Variants in TG observed in about 807,000 individuals in gnomAD.
TG encodes thyroglobulin.
In TG, 270 loss-of-function variants were observed where a neutral mutation model predicts 324.7. That is an observed-to-expected ratio of 0.83 (90% CI 0.75 to 0.92). TG has a LOEUF of 0.92. Among genes scored for constraint, TG ranks in the 40% least tolerant of loss-of-function variants. The pLI, the probability that TG is intolerant of heterozygous loss-of-function variation, is 0.00. For missense variants in TG, 3,591 were observed against 3,456.4 expected (o/e 1.04, Z -0.98); for synonymous variants, 1,401 against 1,327.0 (o/e 1.06, Z -1.21).
At chr8:133,039,919 G>A (rs1045992404) in intron 41 of TG, 60 of 1,510,000 alleles carry the variant, frequency 4.0e-5, no homozygotes, top group African/African-American at 2.8e-4. Context: ...CACACACACC[G>A]TTTTGTGCTC....
chr8:133,037,362 A>G (rs1223153416), intron 41 of TG: 1 of 152,142 alleles, frequency 6.6e-6, no homozygotes, highest in African/African-American at 2.4e-5. Flanking sequence ...TTTTCCTCAT[A>G]TGGATGCCAG....
At chr8:133,039,566 T>C (rs1336911284) in intron 41 of TG, among the ~76,000 whole-genome samples, 1 of 152,216 alleles carries the variant, frequency 6.6e-6, no homozygotes, top group East Asian at 1.9e-4. Flanking sequence ...TGAAAGTTTT[T>C]TTCTCTTAGA....
intron 26 of TG, among the ~76,000 whole-genome samples, chr8:132,943,133 A>G (rs1824695708): frequency 6.6e-6 from 1 of 152,142 alleles, no homozygotes; most frequent in Non-Finnish European, 1.5e-5. Flanking sequence ...CATGCCTGAT[A>G]CAATTTGGAT....
chr8:133,108,621 C>G (rs1250684787), intron 43 of TG, among the ~76,000 whole-genome samples: 1 of 152,186 alleles, frequency 6.6e-6, no homozygotes, highest in Non-Finnish European at 1.5e-5. Context: ...GCACAGTTAC[C>G]CTCCAAGCCC....
In TG at chr8:133,013,711, A is replaced by C. The variant is rs2069565; in HGVS notation, c.6509A>C (p.Gln2170Pro). 1 of 1,613,888 alleles carries C rather than the reference A, an allele frequency of 6.2e-7. No homozygotes were observed. The highest frequency in any genetic ancestry group is 8.5e-7 in the Non-Finnish European group (1 of 1,180,040). Residue 2170 changes from glutamine to proline, a missense_variant, in exon 37 of 48, where the codon CAG (glutamine) becomes CCG (proline). Gln to Pro is a moderately conservative substitution (Grantham distance 76). Transcript: ENST00000220616. ...TQSCTHSLQG[Q>P]NCRLLLREEA... ...AGCTGCACACATAGTCTGCAGGGTC[A>C]GAACTGCCGACTTCTGCTTCGTGAA...
intron 41 of TG, among the ~76,000 whole-genome samples, chr8:133,055,144 A>G (rs1388792234): frequency 2.0e-5 from 3 of 152,128 alleles, no homozygotes; most frequent in African/African-American, 7.2e-5. Context: ...TCCTCAGCCC[A>G]CACTTGACCC....
chr8:132,946,878 A>T (rs146984539), intron 26 of TG, among the ~76,000 whole-genome samples: 1 of 152,286 alleles, frequency 6.6e-6, no homozygotes, highest in African/African-American at 2.4e-5. Context: ...GACATTTGGC[A>T]CTAGTTAAAG....
chr8:132,868,016 A>G (rs1366772263), intron 1 of TG, 99 bp from the exon 2 acceptor site: 4 of 1,074,098 alleles, frequency 3.7e-6, no homozygotes, highest in Non-Finnish European at 5.8e-6. Flanking sequence ...ATAGGTAATG[A>G]TGATGACCCT....
At chr8:132,911,627 A>T in intron 19 of TG, 94 bp downstream of exon 19, 1 of 1,047,384 alleles carries the variant, frequency 9.5e-7, no homozygotes, top group Non-Finnish European at 1.5e-6. Context: ...GAAGAAGCCC[A>T]TGATGTCTTC....
Position 132,897,700 on chromosome 8 carries a change from C to G in TG, c.3053C>G (p.Ala1018Gly). The change falls in exon 12 of 48, where the codon GCA (alanine) becomes GGA (glycine). Residue 1018 changes from alanine to glycine, a missense_variant. Transcript: ENST00000220616. ...TTTTCCCCGGACGACTCGGCTGGAG[C>G]ATCCGCCCTTCTGCGGTCGGGCCCC... is the stretch of plus-strand genomic sequence containing the variant. The part of the protein sequence containing the change: ...RRFSPDDSAG[A>G]SALLRSGPYM... The G allele has an allele frequency of 6.2e-7, 1 of 1,614,248 alleles. No individual in the cohort carries two copies. The highest frequency in any genetic ancestry group is 1.1e-5 in the South Asian group (1 of 91,088).
At chr8:133,067,073 G>A (rs908705928) in intron 41 of TG, among the ~76,000 whole-genome samples, 4 of 152,130 alleles carry the variant, frequency 2.6e-5, no homozygotes, top group Admixed American at 2.6e-4. Flanking sequence ...CCTGTGGTCT[G>A]ACCCTTCCTT....
intron 40 of TG, among the ~76,000 whole-genome samples, 198 bp from the exon 41 acceptor site, chr8:133,029,614 GCATTCAGGC>G (rs769461275): frequency 1.4e-4 from 22 of 152,346 alleles, no homozygotes; most frequent in Admixed American, 2.6e-4. Flanking sequence ...TAGCTGGCTA[GCATTCAGGC>G]CTATGTGTGT....
At chr8:132,987,784 G>C (rs1296864333) in intron 35 of TG, among the ~76,000 whole-genome samples, 1 of 151,772 alleles carries the variant, frequency 6.6e-6, no homozygotes, top group Admixed American at 6.6e-5. Context: ...TTCAAAGAAA[G>C]AATTCTTTGC....
intron 31 of TG, among the ~76,000 whole-genome samples, chr8:132,968,762 G>A (rs936036738): frequency 6.6e-6 from 1 of 152,206 alleles, no homozygotes; most frequent in African/African-American, 2.4e-5. Flanking sequence ...CTCCTTCAGA[G>A]GAGTTTCTCA....
Position 132,933,599 on chromosome 8 carries a change from T to C in TG, c.4855T>C (p.Ser1619Pro). 1 of 1,614,150 alleles carries C rather than the reference T, an allele frequency of 6.2e-7. No individual in the cohort carries two copies. Among genetic ancestry groups the C allele is most frequent in the South Asian group, 1.1e-5 (1 of 91,090 alleles). ...EDEACSFFTV[S>P]TTEPEISCDF... ...CGAGGCCTGCAGCTTCTTCACCGTG[T>C]CCACGACGGAGCCAGAGATTTCCTG... Residue 1619 changes from serine (S) to proline (P), a missense_variant, in exon 24 of 48, where the codon TCC (serine) becomes CCC (proline). Physicochemically the swap from Ser to Pro is moderately conservative, Grantham distance 74. Transcript: ENST00000220616.
At chr8:132,881,776 G>A (rs1814674257) in intron 5 of TG, 87 bp from the exon 6 acceptor site, 13 of 892,282 alleles carry the variant, frequency 1.5e-5, no homozygotes, top group South Asian at 4.0e-5. Context: ...TTCACTAGGC[G>A]TGGACTTGGC....
chr8:132,913,274 ACT>A lies in TG; in HGVS notation c.4378+15_4378+16del, dbSNP rs922096019. ...GGACGGACTGGGATGCGGTAGGTCC[ACT>A]CTCTCCCTGGATATCTCCTGTGGAG... On this transcript the variant is annotated intron_variant, in intron 20 of 47. Transcript: ENST00000220616. 1 of 1,612,370 alleles carries A rather than the reference ACT, an allele frequency of 6.2e-7. No individual in the cohort carries two copies. Among genetic ancestry groups the A allele is most frequent in the African/African-American group, 1.3e-5 (1 of 74,726 alleles).
At chr8:132,966,823 G>T (rs1828628637) in intron 30 of TG, 126 bp downstream of exon 30, 4 of 1,159,846 alleles carry the variant, frequency 3.4e-6, no homozygotes, top group Non-Finnish European at 5.1e-6. Flanking sequence ...GATCACTGTG[G>T]ATGATATAAA....
chr8:132,927,378 A>G (rs1489643514), intron 22 of TG, among the ~76,000 whole-genome samples: 1 of 152,178 alleles, frequency 6.6e-6, no homozygotes, highest in Non-Finnish European at 1.5e-5. Context: ...TTGCCCTGGA[A>G]GGAGATGGGA....
Sources: gnomAD v4.1 joint callset for allele counts (sites outside exome capture counted in the v4.1 genomes callset) on GRCh38, gnomAD v4.1.1 for gene constraint, MANE v1.5 for transcripts, NCBI Gene and HGNC (gene_info 2026-07-23, HGNC 2026-07-21) for gene names.